The following ATP9A variants were observed in gnomAD, a reference collection of about 807,000 sequenced individuals.
ATP9A encodes the protein ATPase phospholipid transporting 9A.
ATP9A carries 52 observed loss-of-function variants against 144.1 expected under a neutral mutation model. The observed-to-expected ratio is 0.36, with a 90% confidence interval of 0.29 to 0.45. The LOEUF (loss-of-function observed/expected upper bound fraction) is 0.45, where lower values mean the gene tolerates loss of function less well. ATP9A is among the 20% of genes least tolerant of loss of function. The probability of loss-of-function intolerance (pLI) is 1.00; values close to 1 mark genes in which losing one functional copy is unlikely to be tolerated. For synonymous variants in ATP9A, 582 were observed against 557.4 expected (o/e 1.04, Z -0.62); for missense variants, 947 against 1,392.7 (o/e 0.68, Z 5.09).
At chr20:51,608,712 C>T in intron 24 of ATP9A, 86 bp from the exon 25 acceptor site, 1 of 826,256 alleles carries the variant, frequency 1.2e-6, no homozygotes, top group Non-Finnish European at 2.1e-6. Context: ...CAAGTCCCAA[C>T]CATGCCTCTA....
intron 7 of ATP9A, among the ~76,000 whole-genome samples, chr20:51,691,373 G>A (rs1367904593): frequency 6.6e-6 from 1 of 152,210 alleles, no homozygotes; most frequent in Non-Finnish European, 1.5e-5. Context: ...GGAGGCTGAG[G>A]CAGGAGAATC....
At chr20:51,702,992 T>TTTC (rs1555838568) in intron 4 of ATP9A, among the ~76,000 whole-genome samples, 1 of 151,452 alleles carries the variant, frequency 6.6e-6, no homozygotes, top group African/African-American at 2.4e-5. Flanking sequence ...CCTTGGTTTT[T>TTTC]TTGTTGTTGT....
At chr20:51,664,789 A>C (rs1390785708) in intron 13 of ATP9A, among the ~76,000 whole-genome samples, 1 of 151,364 alleles carries the variant, frequency 6.6e-6, no homozygotes, top group Admixed American at 6.6e-5. Context: ...ACGCGATCTC[A>C]GCTCACTTCA....
At chr20:51,656,909 C>G in intron 14 of ATP9A, 29 bp downstream of exon 14, 1 of 1,598,696 alleles carries the variant, frequency 6.3e-7, no homozygotes, top group South Asian at 1.1e-5. Context: ...AGGGCCTCCC[C>G]ATGCCTTGCT....
chr20:51,667,153 C>T (rs929975646), intron 13 of ATP9A, among the ~76,000 whole-genome samples: 3 of 152,188 alleles, frequency 2.0e-5, no homozygotes, highest in East Asian at 1.9e-4. Flanking sequence ...GTGAGGTTCA[C>T]GGTAAGAAGT....
At chr20:51,635,802 G>GAGGGAGGGAGGAAGGAAGGAAGGAAGGA (rs774111834) in intron 15 of ATP9A, among the ~76,000 whole-genome samples, 3 of 46,654 alleles carry the variant, frequency 6.4e-5, no homozygotes, top group Admixed American at 2.3e-4. Context: ...AGGAGGGGAG[G>GAGGGAGGGAGGAAGGAAGGAAGGAAGGA]AGGAAGGAAG....
chr20:51,756,273 CTGTCTTT>C (rs1444788517), intron 1 of ATP9A, among the ~76,000 whole-genome samples: 1 of 61,296 alleles, frequency 1.6e-5, no homozygotes, highest in African/African-American at 3.9e-5. Context: ...TCTGGTGTCT[CTGTCTTT>C]TTTTTTTTTT....
At chr20:51,746,822 G>A (rs568754890) in intron 1 of ATP9A, among the ~76,000 whole-genome samples, 1 of 152,164 alleles carries the variant, frequency 6.6e-6, no homozygotes, top group South Asian at 2.1e-4. Context: ...CTGGGCAACA[G>A]AGCGAGACTC....
At chr20:51,694,430 A>G (rs1310314491) in intron 6 of ATP9A, among the ~76,000 whole-genome samples, 1 of 152,200 alleles carries the variant, frequency 6.6e-6, no homozygotes, top group Non-Finnish European at 1.5e-5. Context: ...AACGGGGACG[A>G]GCACAGGTTG....
intron 9 of ATP9A, among the ~76,000 whole-genome samples, chr20:51,688,019 C>A (rs1456982951): frequency 6.6e-6 from 1 of 152,168 alleles, no homozygotes; most frequent in Non-Finnish European, 1.5e-5. Context: ...AGCAAAATGC[C>A]TAGGTTCAAG....
At chr20:51,663,561 G>A (rs1024165506) in intron 13 of ATP9A, among the ~76,000 whole-genome samples, 14 of 152,036 alleles carry the variant, frequency 9.2e-5, no homozygotes, top group African/African-American at 1.4e-4. Context: ...TTGGGAGGCT[G>A]AGGCGGGCGG....
intron 11 of ATP9A, among the ~76,000 whole-genome samples, 168 bp from the exon 12 acceptor site, chr20:51,671,425 G>A (rs904496276): frequency 6.6e-6 from 1 of 152,102 alleles, no homozygotes; most frequent in South Asian, 2.1e-4. Flanking sequence ...CAGCACCACC[G>A]TCAAGTCACA....
chr20:51,738,943 G>A (rs535519082), intron 1 of ATP9A, among the ~76,000 whole-genome samples: 158 of 152,032 alleles, frequency 1.0e-3, no homozygotes, highest in African/African-American at 3.3e-3. Context: ...TTAACCAGGC[G>A]TGGTGGCAGG....
At chr20:51,651,113 A>G (rs2122762250) in intron 14 of ATP9A, among the ~76,000 whole-genome samples, 1 of 146,724 alleles carries the variant, frequency 6.8e-6, no homozygotes, top group South Asian at 2.1e-4. Context: ...AATTATATGT[A>G]CTACAGCATG....
intron 1 of ATP9A, among the ~76,000 whole-genome samples, chr20:51,759,792 C>T (rs757546041): frequency 6.6e-6 from 1 of 152,124 alleles, no homozygotes; most frequent in Non-Finnish European, 1.5e-5. Context: ...GAAACACACA[C>T]CCACCCCACT....
rs568978087 is a variant in ATP9A, at chr20:51,600,514, C to T, written c.*697G>A. 2.0e-5 allele frequency: 3 copies of T among 152,160 alleles called. No individual in the cohort carries two copies. Among genetic ancestry groups the T allele is most frequent in the Non-Finnish European group, 4.4e-5 (3 of 68,056 alleles). The allele number at this position is 152,160 out of a possible 1,614,324, so 9.4% of individuals were successfully genotyped here. ...AGGTGGCAGGTGAAGTTAACTCACA[C>T]ACTATGGATGCTGAATCAGATCAAG... On this transcript the variant is annotated 3_prime_UTR_variant, in exon 28 of 28. Transcript: ENST00000338821.
chr20:51,639,616 G>A, intron 14 of ATP9A, 112 bp from the exon 15 acceptor site: 1 of 1,161,222 alleles, frequency 8.6e-7, no homozygotes, highest in Admixed American at 2.7e-5. Context: ...AATCACAGTA[G>A]TCACTGCCCT....
At chr20:51,650,404 T>C (rs1444972364) in intron 14 of ATP9A, among the ~76,000 whole-genome samples, 1 of 151,694 alleles carries the variant, frequency 6.6e-6, no homozygotes, top group African/African-American at 2.4e-5. Flanking sequence ...CGTGATGGCG[T>C]GCACCTGTAG....
intron 26 of ATP9A, among the ~76,000 whole-genome samples, chr20:51,606,333 G>T (rs1323728797): frequency 6.6e-6 from 1 of 152,126 alleles, no homozygotes; most frequent in East Asian, 1.9e-4. Context: ...CAGATATATA[G>T]AAATATTAGG....
Sources: gnomAD v4.1 joint callset for allele counts (sites outside exome capture counted in the v4.1 genomes callset) on GRCh38, gnomAD v4.1.1 for gene constraint, MANE v1.5 for transcripts, NCBI Gene and HGNC (gene_info 2026-07-23, HGNC 2026-07-21) for gene names.